CD82: variants seen among roughly 807,000 people sequenced by gnomAD.
CD82 encodes the protein CD82 antigen.
Under a neutral mutation model 37.4 loss-of-function variants are expected in CD82, and 36 were observed. The ratio of observed to expected loss-of-function variants is 0.96; its 90% CI spans 0.74 to 1.27. The LOEUF is 1.27. CD82 is among the 50% of genes most tolerant of loss of function. The probability of loss-of-function intolerance (pLI) is 0.00; values close to 1 mark genes in which losing one functional copy is unlikely to be tolerated. For synonymous variants in CD82, 158 were observed against 137.4 expected, an observed-to-expected ratio of 1.15 and a Z score of -1.05; for missense variants, 340 against 347.0, an observed-to-expected ratio of 0.98 and a Z score of 0.16.
chr11:44,601,609 T>TG (rs1853310782), intron 4 of CD82, among the ~76,000 whole-genome samples: 1 of 152,076 alleles, frequency 6.6e-6, no homozygotes, highest in South Asian at 2.1e-4. Context: ...ACTGGCGCAG[T>TG]GGGGGTGAGC....
intron 6 of CD82, among the ~76,000 whole-genome samples, chr11:44,613,187 C>T (rs1017479855): frequency 6.6e-6 from 1 of 152,212 alleles, no homozygotes; most frequent in African/African-American, 2.4e-5. Flanking sequence ...GGCATCCCTG[C>T]CTTCTAGGGT....
At position 44,594,742 on chromosome 11, in the gene CD82, C is replaced by T. The variant is rs773690286; in HGVS notation, c.63+17C>T. On this transcript the variant is annotated intron_variant, in intron 3 of 9. Coordinates refer to ENST00000227155, the MANE Select transcript of CD82 (RefSeq NM_002231.4). ...ATCTTCTTTGTAAGTATGTCCCATGCCGTCCTGACCACCTCCGAAAAGATT... is the reference window on the plus strand; with the variant it reads ...ATCTTCTTTGTAAGTATGTCCCATGTCGTCCTGACCACCTCCGAAAAGATT... 6.3e-6 allele frequency: 10 copies of T among 1,599,748 alleles called. No homozygotes were observed. The South Asian group carries it at 1.1e-4, about 18-fold the overall frequency.
intron 6 of CD82, among the ~76,000 whole-genome samples, chr11:44,608,402 G>T (rs1462038291): frequency 6.6e-6 from 1 of 152,100 alleles, no homozygotes; most frequent in African/African-American, 2.4e-5. Flanking sequence ...GGAGCCTTGG[G>T]TTCTGCTTCT....
intron 2 of CD82, among the ~76,000 whole-genome samples, chr11:44,588,842 G>A (rs2134645146): frequency 6.6e-6 from 1 of 152,274 alleles, no homozygotes; most frequent in South Asian, 2.1e-4. Context: ...GTAGAAGTTG[G>A]CAAAATATTA....
intron 6 of CD82, among the ~76,000 whole-genome samples, chr11:44,608,755 A>G (rs919444): frequency 0.64 from 97,044 of 152,162 alleles, 31,440 homozygotes; most frequent in East Asian, 0.87. Flanking sequence ...GGGTGTCCCT[A>G]GGGAAATAGA....
intron 2 of CD82, among the ~76,000 whole-genome samples, chr11:44,588,325 G>A (rs918031953): frequency 6.6e-6 from 1 of 151,962 alleles, no homozygotes; most frequent in Non-Finnish European, 1.5e-5. Flanking sequence ...CTGGGTTCAA[G>A]CAATTCCTCT....
At chr11:44,611,732 G>A (rs897682535) in intron 6 of CD82, among the ~76,000 whole-genome samples, 5 of 152,204 alleles carry the variant, frequency 3.3e-5, no homozygotes, top group South Asian at 2.1e-4. Context: ...TCCCAGCACA[G>A]GCCTCCTGAG....
chr11:44,568,241 T>C (rs1406466565), intron 1 of CD82, among the ~76,000 whole-genome samples: 3 of 151,956 alleles, frequency 2.0e-5, no homozygotes, highest in Admixed American at 1.3e-4. Context: ...CTGGGTGGCT[T>C]TGGGGATGTC....
intron 4 of CD82, among the ~76,000 whole-genome samples, chr11:44,602,518 CCATTTTA>C (rs1392587911): frequency 3.9e-5 from 6 of 152,080 alleles, no homozygotes; most frequent in African/African-American, 9.7e-5. Context: ...GGCTTTAGAC[CCATTTTA>C]CAGAGAAAGA....
chr11:44,598,192 G>T (rs1004636361), intron 3 of CD82, among the ~76,000 whole-genome samples: 1 of 152,016 alleles, frequency 6.6e-6, no homozygotes, highest in African/African-American at 2.4e-5. Flanking sequence ...ACACTGGGGG[G>T]CAGACGTGGG....
intron 1 of CD82, among the ~76,000 whole-genome samples, chr11:44,581,055 T>C (rs1169503075): frequency 6.6e-6 from 1 of 152,174 alleles, no homozygotes; most frequent in Non-Finnish European, 1.5e-5. Context: ...CTGGCTAGGC[T>C]CTGGGATCAG....
chr11:44,589,527 G>A (rs1853108185), intron 2 of CD82, among the ~76,000 whole-genome samples: 1 of 152,178 alleles, frequency 6.6e-6, no homozygotes, highest in Admixed American at 6.5e-5. Context: ...CAAGCACTGA[G>A]CCAACTGATG....
At chr11:44,618,502 G>T (rs1853602332) in intron 8 of CD82, 137 bp downstream of exon 8, 1 of 1,058,324 alleles carries the variant, frequency 9.4e-7, no homozygotes, top group South Asian at 1.4e-5. Flanking sequence ...CTACTTCTTT[G>T]TTAATGTATT....
Position 44,615,392 on chromosome 11 carries a change from G to C in CD82, c.438+19G>C. The C allele has an allele frequency of 6.6e-7, 1 of 1,518,630 alleles. No individual in the cohort carries two copies. The highest frequency in any genetic ancestry group is 1.1e-5 in the South Asian group (1 of 89,000). 94.1% of individuals were successfully genotyped at this position (1,518,630 alleles called of 1,614,324 possible). On this transcript the variant is annotated intron_variant, in intron 7 of 9. Transcript: ENST00000227155. Reference sequence around the variant, plus strand: ...GGCTCAGGTGAGGTGGGGCGGGGCTGCAGGAGGCTCTCTGGCCTGGGTGTC... The same window carrying C: ...GGCTCAGGTGAGGTGGGGCGGGGCTCCAGGAGGCTCTCTGGCCTGGGTGTC...
intron 1 of CD82, among the ~76,000 whole-genome samples, chr11:44,570,533 C>T (rs1215370898): frequency 1.3e-5 from 2 of 152,222 alleles, no homozygotes; most frequent in African/African-American, 4.8e-5. Flanking sequence ...CAGTACCTAG[C>T]TTGGTACCAC....
At chr11:44,585,598 A>C (rs1159669558) in intron 1 of CD82, among the ~76,000 whole-genome samples, 1 of 152,184 alleles carries the variant, frequency 6.6e-6, no homozygotes, top group Admixed American at 6.5e-5. Flanking sequence ...TCTGTGGATA[A>C]GGGAGCAGCT....
At chr11:44,616,550 G>C (rs1162974182) in intron 7 of CD82, among the ~76,000 whole-genome samples, 1 of 152,168 alleles carries the variant, frequency 6.6e-6, no homozygotes, top group Non-Finnish European at 1.5e-5. Context: ...GTCAGATGCT[G>C]CTTAGGCCGG....
At chr11:44,570,195 C>T (rs534385195) in intron 1 of CD82, among the ~76,000 whole-genome samples, 23 of 152,296 alleles carry the variant, frequency 1.5e-4, no homozygotes, top group Non-Finnish European at 2.2e-4. Context: ...CTCACTGTGA[C>T]GCTCAGCTTC....
At chr11:44,583,343 T>C (rs1313223842) in intron 1 of CD82, among the ~76,000 whole-genome samples, 1 of 152,240 alleles carries the variant, frequency 6.6e-6, no homozygotes, top group African/African-American at 2.4e-5. Flanking sequence ...GAGAAGCCCC[T>C]TTCTTTATCT....
Sources: gnomAD v4.1 joint callset for allele counts (sites outside exome capture counted in the v4.1 genomes callset) on GRCh38, gnomAD v4.1.1 for gene constraint, MANE v1.5 for transcripts, NCBI Gene and HGNC (gene_info 2026-07-23, HGNC 2026-07-21) for gene names.